Variants in BAZ2A observed in about 807,000 individuals in gnomAD.
The protein encoded by BAZ2A is bromodomain adjacent to zinc finger domain protein 2A.
Under a neutral mutation model 199.9 loss-of-function variants are expected in BAZ2A, and 34 were observed. The ratio of observed to expected loss-of-function variants is 0.17; its 90% CI spans 0.13 to 0.23. BAZ2A has a LOEUF of 0.23. Among genes scored for constraint, BAZ2A ranks in the 10% least tolerant of loss-of-function variants. BAZ2A has a pLI of 1.00. For synonymous variants in BAZ2A, 857 were observed against 883.9 expected, an observed-to-expected ratio of 0.97 and a Z score of 0.54; for missense variants, 2,002 against 2,391.1, an observed-to-expected ratio of 0.84 and a Z score of 3.39.
chr12:56,619,428 G>A (rs1473236157), intron 1 of BAZ2A, among the ~76,000 whole-genome samples: 3 of 149,004 alleles, frequency 2.0e-5, no homozygotes, highest in African/African-American at 5.0e-5. Flanking sequence ...AGGATCACTT[G>A]AGCCCAGGAG....
chr12:56,626,570 T>C (rs1324639753), intron 1 of BAZ2A, among the ~76,000 whole-genome samples: 1 of 152,240 alleles, frequency 6.6e-6, no homozygotes, highest in Non-Finnish European at 1.5e-5. Context: ...CTCAGATTTT[T>C]TCTTTCATCG....
chr12:56,633,706 C>A (rs191318360), upstream of BAZ2A, among the ~76,000 whole-genome samples: 43 of 151,526 alleles, frequency 2.8e-4, no homozygotes, highest in African/African-American at 9.0e-4. Context: ...AAGGAAAACA[C>A]CCCTCCCCTT....
intron 8 of BAZ2A, 94 bp downstream of exon 8, chr12:56,610,315 G>T: frequency 6.4e-7 from 1 of 1,569,896 alleles, no homozygotes; most frequent in Non-Finnish European, 8.8e-7. Context: ...GACAATGCCA[G>T]CCTGTTGTCA....
upstream of BAZ2A, among the ~76,000 whole-genome samples, chr12:56,631,666 T>G (rs1382775981): frequency 1.3e-5 from 2 of 152,156 alleles, no homozygotes; most frequent in African/African-American, 2.4e-5. Context: ...TAGAAACAGT[T>G]GCCTAAACTG....
At chr12:56,634,019 A>G (rs917475448), upstream of BAZ2A, among the ~76,000 whole-genome samples, 4 of 151,810 alleles carry the variant, frequency 2.6e-5, no homozygotes, top group African/African-American at 9.7e-5. Context: ...AGGCGAGCAC[A>G]CTCCACCCGG....
intron 17 of BAZ2A, 25 bp from the exon 18 acceptor site, chr12:56,603,443 T>C (rs757166574): frequency 6.2e-6 from 10 of 1,613,772 alleles, no homozygotes; most frequent in Non-Finnish European, 7.6e-6. Context: ...ATGGGCATTA[T>C]GAAAAAGGAG....
chr12:56,616,228 CTGTT>C (rs1950719387), intron 2 of BAZ2A, among the ~76,000 whole-genome samples: 1 of 151,954 alleles, frequency 6.6e-6, no homozygotes, highest in Non-Finnish European at 1.5e-5. Context: ...TTAAATGAAA[CTGTT>C]TGCAGACTCC....
rs1054235154 is a variant in BAZ2A, at chr12:56,609,867, C to T, written c.1961G>A (p.Arg654Gln). The stretch of plus-strand genomic sequence containing the variant: ...CTTAGTCTTAGCCTTCTCAGTGTTT[C>T]GAGGTCGACCCCGTTTGCCAGTAAT... The part of the protein sequence containing the change: ...QAITGKRGRP[R>Q]NTEKAKTKEV... The change falls in exon 10 of 29, where the codon CGA becomes CAA. Residue 654 changes from arginine (R) to glutamine (Q), a missense_variant. Physicochemically the swap from Arg to Gln is conservative, Grantham distance 43. Coordinates refer to ENST00000549884, the MANE Select transcript of BAZ2A (RefSeq NM_001300905.2). 1.9e-6 allele frequency: 3 copies of T among 1,613,444 alleles called. No homozygotes were observed. The highest frequency in any genetic ancestry group is 2.5e-6 in the Non-Finnish European group (3 of 1,179,818).
At position 56,616,065 on chromosome 12, in the gene BAZ2A, G is replaced by A. The variant is rs999588801; in HGVS notation, c.137-458C>T. 7.9e-5 allele frequency among the ~76,000 whole-genome samples: 12 copies of A among 152,116 alleles called. 1 individual carries two copies. The highest frequency in any genetic ancestry group is 3.9e-4 in the East Asian group (2 of 5,186). On this transcript the variant is annotated intron_variant, in intron 2 of 28. Transcript: ENST00000549884. ...ACCACAGGCGCCCATCACCACGCCC[G>A]GCTAATTTTTGTATTTTCAGTAGAG...
chr12:56,616,161 A>G (rs561564064), intron 2 of BAZ2A, among the ~76,000 whole-genome samples: 3 of 152,034 alleles, frequency 2.0e-5, no homozygotes, highest in African/African-American at 7.2e-5. Context: ...TCGGCCTCCC[A>G]AAGTGCTGGG....
intron 1 of BAZ2A, among the ~76,000 whole-genome samples, chr12:56,617,759 A>C (rs1293382477): frequency 6.6e-6 from 1 of 152,174 alleles, no homozygotes; most frequent in Non-Finnish European, 1.5e-5. Flanking sequence ...TTTGTAGATT[A>C]AAAAACAAAG....
chr12:56,605,744 G>A, intron 13 of BAZ2A, 86 bp downstream of exon 13: 1 of 1,346,710 alleles, frequency 7.4e-7, no homozygotes, highest in Non-Finnish European at 1.0e-6. Context: ...TAATGGAAAT[G>A]TCTCTCCCAT....
chr12:56,604,360 G>A, intron 15 of BAZ2A, 69 bp from the exon 16 acceptor site: 1 of 1,480,830 alleles, frequency 6.8e-7, no homozygotes, highest in South Asian at 1.2e-5. Context: ...AAGGGTAAAG[G>A]GGCTGCAGCT....
rs377413420 is a variant in BAZ2A at position 56,613,076 on chromosome 12, T to C, written c.1074A>G (p.Thr358=). 4 of 1,613,914 alleles carry C rather than the reference T, an allele frequency of 2.5e-6. No individual in the cohort carries two copies. The highest frequency in any genetic ancestry group is 1.1e-5 in the South Asian group (1 of 91,086). ...AFSLLADDSQ[T]STSIFASPTS... ...TGGGACTGGCAAAGATAGAGGTTGA[T>C]GTTTGACTATCATCTGCCAGGAGAC... The change falls in exon 5 of 29, where the codon ACA becomes ACG. Residue 358 remains threonine (T), a synonymous_variant. Transcript: ENST00000549884.
In BAZ2A at chr12:56,599,844, C is replaced by T; in HGVS notation, c.5030G>A (p.Cys1677Tyr). ...AWEKSVNKVT[C>Y]LVCRKGDNDE... ...ATTGTCACCCTTCCGGCAGACTAGA[C>T]ATGTCTGGACCAAGGTTGTGAGGAG... Residue 1677 changes from cysteine to tyrosine, a missense_variant, in exon 26 of 29, where the codon TGT (cysteine) becomes TAT (tyrosine). By Grantham distance (194) the Cys-to-Tyr change is radical (BLOSUM62 -2). Transcript: ENST00000549884. 1 of 1,614,018 alleles carries T rather than the reference C, an allele frequency of 6.2e-7. No homozygotes were observed. Among genetic ancestry groups the T allele is most frequent in the Non-Finnish European group, 8.5e-7 (1 of 1,179,886 alleles).
intron 4 of BAZ2A, 92 bp from the exon 5 acceptor site, chr12:56,613,325 C>G (rs1301044955): frequency 5.6e-6 from 7 of 1,247,268 alleles, no homozygotes; most frequent in Non-Finnish European, 8.1e-6. Flanking sequence ...ACATCCAATT[C>G]TAGTTCCCAC....
chr12:56,627,579 C>T (rs1025420560), intron 1 of BAZ2A, among the ~76,000 whole-genome samples: 1 of 151,680 alleles, frequency 6.6e-6, no homozygotes, highest in Admixed American at 6.6e-5. Flanking sequence ...AATCTCAGTA[C>T]TTTGGGAGGC....
rs764351495 is a variant in BAZ2A at position 56,600,046 on chromosome 12, C to T, written c.4943G>A (p.Arg1648Gln). 6 of 1,614,048 alleles carry T rather than the reference C, an allele frequency of 3.7e-6. No individual in the cohort carries two copies. Among genetic ancestry groups the T allele is most frequent in the South Asian group, 1.1e-5 (1 of 91,084 alleles). Reference sequence around the variant, plus strand: ...GCACACCTGGGCTGCGCTCCGGCACCGCTCGAGGGTCTGGCGCCAGACACG... The same window carrying T: ...GCACACCTGGGCTGCGCTCCGGCACTGCTCGAGGGTCTGGCGCCAGACACG... The part of the protein sequence containing the change: ...RIRVWRQTLE[R>Q]CRSAAQVCLC... The change falls in exon 25 of 29, where the codon CGG becomes CAG. Residue 1648 changes from arginine to glutamine, a missense_variant. Arg to Gln is a conservative substitution (Grantham distance 43, BLOSUM62 1). Coordinates refer to ENST00000549884, the MANE Select transcript of BAZ2A (RefSeq NM_001300905.2).
At chr12:56,607,862 C>G (rs1409508269) in intron 10 of BAZ2A, among the ~76,000 whole-genome samples, 1 of 151,928 alleles carries the variant, frequency 6.6e-6, no homozygotes, top group Non-Finnish European at 1.5e-5. Flanking sequence ...AGGCGGATCA[C>G]CTGAGGTCAG....
Sources: gnomAD v4.1 joint callset for allele counts (sites outside exome capture counted in the v4.1 genomes callset) on GRCh38, gnomAD v4.1.1 for gene constraint, MANE v1.5 for transcripts, NCBI Gene and HGNC (gene_info 2026-07-23, HGNC 2026-07-21) for gene names.